ZFR: variants seen among roughly 807,000 people sequenced by gnomAD.
The protein encoded by ZFR is zinc finger RNA-binding protein.
In ZFR, 19 loss-of-function variants were observed where a neutral mutation model predicts 130.7. That is an observed-to-expected ratio of 0.15 (90% CI 0.10 to 0.21). The LOEUF is 0.21. Among genes scored for constraint, ZFR ranks in the 10% least tolerant of loss-of-function variants. The pLI is 1.00. For synonymous variants in ZFR, 466 were observed against 456.9 expected, an observed-to-expected ratio of 1.02 and a Z score of -0.25; for missense variants, 872 against 1,321.5, an observed-to-expected ratio of 0.66 and a Z score of 5.27.
intron 17 of ZFR, among the ~76,000 whole-genome samples, chr5:32,368,577 C>T (rs1752597406): frequency 6.6e-6 from 1 of 152,150 alleles, no homozygotes; most frequent in Non-Finnish European, 1.5e-5. Flanking sequence ...CCAGCAATGG[C>T]AGTACTAAGA....
At chr5:32,359,512 A>C (rs566509087) in intron 19 of ZFR, among the ~76,000 whole-genome samples, 3 of 152,216 alleles carry the variant, frequency 2.0e-5, no homozygotes, top group African/African-American at 7.2e-5. Context: ...CAATCTTAAA[A>C]ATGTACTGAT....
intron 5 of ZFR, 62 bp downstream of exon 5, chr5:32,414,907 T>C: frequency 1.4e-6 from 2 of 1,414,820 alleles, no homozygotes; most frequent in Non-Finnish European, 1.9e-6. Flanking sequence ...ACAATCAAGA[T>C]AGTTTCTACT....
At chr5:32,393,786 T>C (rs1254131314) in intron 11 of ZFR, among the ~76,000 whole-genome samples, 2 of 152,164 alleles carry the variant, frequency 1.3e-5, no homozygotes, top group South Asian at 2.1e-4. Flanking sequence ...GGCAGACATG[T>C]GAGCATCCTT....
chr5:32,400,142 A>T lies in ZFR; in HGVS notation c.1578T>A (p.Val526=). The T allele has an allele frequency of 6.2e-7, 1 of 1,612,880 alleles. No individual in the cohort carries two copies. Among genetic ancestry groups the T allele is most frequent in the Non-Finnish European group, 8.5e-7 (1 of 1,179,204 alleles). The change falls in exon 9 of 20, where the codon GTT becomes GTA. Residue 526 remains valine (V), a synonymous_variant. Transcript: ENST00000265069. The part of the protein sequence containing the change: ...KAEDIKGTEC[V]KSTPVTSAVQ... ...CAGCAGAAGTGACAGGAGTACTTTT[A>T]ACACATTCGGTTCCTTTTATGTCTT...
Position 32,443,639 on chromosome 5 carries a change from A to G in ZFR, c.137+590T>C, listed in dbSNP as rs967233895. On this transcript the variant is annotated intron_variant, in intron 2 of 19. Coordinates refer to ENST00000265069, the MANE Select transcript of ZFR (RefSeq NM_016107.5). ...AACACAGTGACACCCGCAGTTTGTC[A>G]GCAGGACTCGCTAGCGATGGAGCGT... 2.0e-5 allele frequency among the ~76,000 whole-genome samples: 3 copies of G among 152,268 alleles called. 1 individual carries two copies. The South Asian group carries it at 6.2e-4, about 31-fold the overall frequency.
intron 2 of ZFR, among the ~76,000 whole-genome samples, chr5:32,437,685 A>C: frequency 6.6e-6 from 1 of 152,158 alleles, no homozygotes; most frequent in East Asian, 1.9e-4. Flanking sequence ...TATGTCTCTG[A>C]GTAAAAATGT....
chr5:32,356,470 T>C (rs999129692), intron 19 of ZFR, among the ~76,000 whole-genome samples: 4 of 152,174 alleles, frequency 2.6e-5, no homozygotes, highest in African/African-American at 9.7e-5. Context: ...TGGAGTGCAG[T>C]GGTGCGAGCT....
intron 17 of ZFR, among the ~76,000 whole-genome samples, chr5:32,367,958 T>C (rs1379676399): frequency 2.0e-5 from 3 of 152,228 alleles, no homozygotes; most frequent in Non-Finnish European, 4.4e-5. Context: ...AACCCAGGTC[T>C]TTCTGAAATC....
intron 1 of ZFR, 138 bp downstream of exon 1, chr5:32,444,484 G>T: frequency 7.7e-7 from 1 of 1,292,522 alleles, no homozygotes; most frequent in Non-Finnish European, 1.0e-6. Context: ...CTCCCGCCTC[G>T]CACTCCCTCA....
At chr5:32,387,222 T>C (rs1253051358) in intron 14 of ZFR, among the ~76,000 whole-genome samples, 1 of 152,090 alleles carries the variant, frequency 6.6e-6, no homozygotes, top group Non-Finnish European at 1.5e-5. Flanking sequence ...GGATTTTTTT[T>C]TTAAAAAATC....
chr5:32,376,957 C>T (rs1321566628), intron 17 of ZFR, among the ~76,000 whole-genome samples: 3 of 97,936 alleles, frequency 3.1e-5, no homozygotes, highest in African/African-American at 8.5e-5. Context: ...CCAGCCTGGG[C>T]GACAAGCTGT....
At chr5:32,365,722 T>C (rs1192353333) in intron 17 of ZFR, among the ~76,000 whole-genome samples, 1 of 151,086 alleles carries the variant, frequency 6.6e-6, no homozygotes, top group East Asian at 2.0e-4. Context: ...CAGTGAGCTG[T>C]GGTCGTGCCG....
chr5:32,389,937 A>G (rs2963963), intron 12 of ZFR, among the ~76,000 whole-genome samples: 145,234 of 152,332 alleles, frequency 0.95, 69,297 homozygotes, highest in African/African-American at 0.98. Flanking sequence ...GATCTCCTGA[A>G]GTCAGGAGTT....
At chr5:32,379,332 C>G (rs1356188837) in intron 16 of ZFR, 122 bp from the exon 17 acceptor site, 3 of 838,198 alleles carry the variant, frequency 3.6e-6, no homozygotes, top group African/African-American at 1.7e-5. Flanking sequence ...AACAATCACA[C>G]TTAAAATTGG....
chr5:32,390,867 G>A (rs1444975341), intron 11 of ZFR, among the ~76,000 whole-genome samples: 1 of 152,200 alleles, frequency 6.6e-6, no homozygotes, highest in Non-Finnish European at 1.5e-5. Context: ...GCAAGGCAGT[G>A]ATAAATGGCA....
chr5:32,385,265 A>G (rs1753020475), intron 15 of ZFR, among the ~76,000 whole-genome samples: 1 of 152,056 alleles, frequency 6.6e-6, no homozygotes, highest in Admixed American at 6.6e-5. Flanking sequence ...TGAGGTTAGC[A>G]AGAAAAGAAA....
intron 17 of ZFR, among the ~76,000 whole-genome samples, chr5:32,377,293 C>T (rs993601983): frequency 1.3e-5 from 2 of 150,752 alleles, no homozygotes; most frequent in African/African-American, 2.4e-5. Flanking sequence ...AGTGCAGTGG[C>T]GTGATCTCGG....
At chr5:32,397,049 A>G (rs1220951937) in intron 10 of ZFR, among the ~76,000 whole-genome samples, 170 bp downstream of exon 10, 1 of 152,232 alleles carries the variant, frequency 6.6e-6, no homozygotes, top group African/African-American at 2.4e-5. Context: ...ATGGATAAAT[A>G]AAAACCAAAC....
At chr5:32,402,747 C>T (rs1214247205) in intron 8 of ZFR, among the ~76,000 whole-genome samples, 1 of 149,980 alleles carries the variant, frequency 6.7e-6, no homozygotes, top group Non-Finnish European at 1.5e-5. Flanking sequence ...TACTGCACTC[C>T]AGCCTCGGTG....
Sources: allele counts gnomAD v4.1 joint callset (sites outside exome capture counted in the v4.1 genomes callset), GRCh38; gene constraint gnomAD v4.1.1; transcripts MANE v1.5; gene names NCBI Gene and HGNC (gene_info 2026-07-23, HGNC 2026-07-21).